The following PCDH15 variants were observed in gnomAD, a reference collection of about 807,000 sequenced individuals.
PCDH15 encodes protocadherin-15.
Under a neutral mutation model 178.5 loss-of-function variants are expected in PCDH15, and 129 were observed. The observed-to-expected ratio is 0.72, with a 90% CI of 0.63 to 0.84. PCDH15 has a LOEUF of 0.84. Ranked by LOEUF, PCDH15 falls within the 40% of genes least tolerant of loss-of-function variation. The pLI is 0.00. For synonymous variants in PCDH15, 800 were observed against 732.0 expected (o/e 1.09, Z -1.50); for missense variants, 2,230 against 2,099.9 (o/e 1.06, Z -1.21).
At chr10:55,617,148 A>T (rs552136787) in intron 2 of PCDH15, among the ~76,000 whole-genome samples, 3 of 152,210 alleles carry the variant, frequency 2.0e-5, no homozygotes, top group Admixed American at 6.5e-5. Flanking sequence ...CCTATATGAA[A>T]GAAAAACAGA....
intron 9 of PCDH15, among the ~76,000 whole-genome samples, chr10:54,229,962 T>A (rs1248197738): frequency 6.6e-6 from 1 of 152,180 alleles, no homozygotes; most frequent in African/African-American, 2.4e-5. Context: ...AGTAAAATAA[T>A]CTTTTTTTCC....
At chr10:55,527,082 T>A (rs1487458890) in intron 2 of PCDH15, among the ~76,000 whole-genome samples, 1 of 152,046 alleles carries the variant, frequency 6.6e-6, no homozygotes, top group Admixed American at 6.6e-5. Flanking sequence ...TAGATGGAAA[T>A]TTTTTCCTAC....
chr10:54,398,613 AC>A, intron 3 of PCDH15, among the ~76,000 whole-genome samples: 1 of 152,176 alleles, frequency 6.6e-6, no homozygotes, highest in South Asian at 2.1e-4. Context: ...GTGAAATTTA[AC>A]CCTTCAAAAA....
chr10:54,341,472 G>A (rs1221001550), intron 6 of PCDH15, among the ~76,000 whole-genome samples: 1 of 152,168 alleles, frequency 6.6e-6, no homozygotes. Flanking sequence ...AGAACTGTGA[G>A]TCAGTTAAAC....
At chr10:54,617,697 A>G (rs1337554550) in intron 2 of PCDH15, among the ~76,000 whole-genome samples, 2 of 150,742 alleles carry the variant, frequency 1.3e-5, no homozygotes, top group Non-Finnish European at 3.0e-5. Context: ...GGAGGATCAC[A>G]AGGTCAGGAG....
chr10:54,525,319 G>C (rs1390689274), intron 3 of PCDH15, among the ~76,000 whole-genome samples: 1 of 152,110 alleles, frequency 6.6e-6, no homozygotes, highest in Non-Finnish European at 1.5e-5. Flanking sequence ...TTTCAAAGAA[G>C]CTTCAAAGCC....
At chr10:55,420,176 C>A (rs1037428817) in intron 2 of PCDH15, among the ~76,000 whole-genome samples, 12 of 151,542 alleles carry the variant, frequency 7.9e-5, no homozygotes, top group Admixed American at 7.9e-4. Context: ...TTACATGTGA[C>A]AATTAAATGA....
chr10:55,437,604 T>C (rs905389146), intron 2 of PCDH15, among the ~76,000 whole-genome samples: 6 of 152,052 alleles, frequency 3.9e-5, no homozygotes, highest in Non-Finnish European at 8.8e-5. Flanking sequence ...ATTGAAGATA[T>C]GACTCTTCTC....
chr10:54,025,697 C>T (rs1254073265), intron 18 of PCDH15, among the ~76,000 whole-genome samples: 1 of 152,066 alleles, frequency 6.6e-6, no homozygotes, highest in Non-Finnish European at 1.5e-5. Flanking sequence ...CCGGGTTTCA[C>T]CATGTTGGTC....
intron 14 of PCDH15, among the ~76,000 whole-genome samples, chr10:54,134,705 A>T (rs948393244): frequency 3.3e-5 from 5 of 150,830 alleles, no homozygotes; most frequent in African/African-American, 4.9e-5. Context: ...GTGAGCCAAG[A>T]TTGCGCCACT....
At chr10:54,971,974 CGA>C (rs1838944720) in intron 2 of PCDH15, among the ~76,000 whole-genome samples, 1 of 152,072 alleles carries the variant, frequency 6.6e-6, no homozygotes, top group Admixed American at 6.5e-5. Context: ...AGGACACTGT[CGA>C]TTCCCTGATG....
intron 2 of PCDH15, among the ~76,000 whole-genome samples, chr10:55,500,990 C>T (rs1266922423): frequency 6.6e-6 from 1 of 151,654 alleles, no homozygotes; most frequent in African/African-American, 2.4e-5. Context: ...ATGTTAAAGT[C>T]CTAATCTTTA....
chr10:54,823,198 C>G (rs1344654839), intron 3 of PCDH15, among the ~76,000 whole-genome samples: 1 of 109,054 alleles, frequency 9.2e-6, no homozygotes, highest in Non-Finnish European at 1.8e-5. Context: ...TTTTAAAACA[C>G]CAGCATAAAC....
chr10:53,881,400 A>G (rs2080707723), intron 26 of PCDH15, among the ~76,000 whole-genome samples: 1 of 152,194 alleles, frequency 6.6e-6, no homozygotes, highest in Non-Finnish European at 1.5e-5. Flanking sequence ...TTACCACTAC[A>G]CAATACATCC....
chr10:55,566,745 T>A (rs545779395), intron 2 of PCDH15, among the ~76,000 whole-genome samples: 2 of 151,750 alleles, frequency 1.3e-5, no homozygotes, highest in Non-Finnish European at 2.9e-5. Context: ...ACCTGTCTTA[T>A]AAAAGCTACA....
intron 2 of PCDH15, among the ~76,000 whole-genome samples, chr10:55,381,541 A>G (rs756245713): frequency 3.2e-4 from 48 of 152,228 alleles, no homozygotes; most frequent in Non-Finnish European, 6.2e-4. Flanking sequence ...GAGGAATTTA[A>G]GTCTTTATAA....
intron 15 of PCDH15, among the ~76,000 whole-genome samples, chr10:54,114,944 AG>A (rs777250464): frequency 5.3e-5 from 8 of 152,216 alleles, no homozygotes; most frequent in Admixed American, 2.0e-4. Flanking sequence ...AAGCCATGTC[AG>A]GAATTTAACA....
At chr10:55,608,468 C>G (rs1403538836) in intron 2 of PCDH15, among the ~76,000 whole-genome samples, 1 of 151,402 alleles carries the variant, frequency 6.6e-6, no homozygotes, top group Admixed American at 6.6e-5. Context: ...TGTGTTAAAG[C>G]AGATGAGACT....
At chr10:54,418,442 T>TAAA (rs1723983022) in intron 3 of PCDH15, among the ~76,000 whole-genome samples, 1 of 152,062 alleles carries the variant, frequency 6.6e-6, no homozygotes, top group African/African-American at 2.4e-5. Context: ...GCACAGAACC[T>TAAA]ATGTTTAGGT....
Sources: gnomAD v4.1 joint callset for allele counts (sites outside exome capture counted in the v4.1 genomes callset) on GRCh38, gnomAD v4.1.1 for gene constraint, MANE v1.5 for transcripts, NCBI Gene and HGNC (gene_info 2026-07-23, HGNC 2026-07-21) for gene names.